Variants in PPM1H observed in about 807,000 individuals in gnomAD.
PPM1H encodes the protein protein phosphatase 1H.
Under a neutral mutation model 54.9 loss-of-function variants are expected in PPM1H, and 27 were observed. The observed-to-expected ratio is 0.49, with a 90% CI of 0.36 to 0.68. The LOEUF (loss-of-function observed/expected upper bound fraction) is 0.68, where lower values mean the gene tolerates loss of function less well. Ranked by LOEUF, PPM1H falls within the 30% of genes least tolerant of loss-of-function variation. PPM1H has a pLI of 0.00. For missense variants in PPM1H, 596 were observed against 667.8 expected, an observed-to-expected ratio of 0.89 and a Z score of 1.19; for synonymous variants, 305 against 270.8, an observed-to-expected ratio of 1.13 and a Z score of -1.24.
At chr12:62,682,785 T>C (rs2076026797) in intron 8 of PPM1H, among the ~76,000 whole-genome samples, 1 of 151,898 alleles carries the variant, frequency 6.6e-6, no homozygotes, top group South Asian at 2.1e-4. Flanking sequence ...ATGATAGGCG[T>C]GAGTCACTGT....
At chr12:62,706,848 A>G (rs1224983315) in intron 6 of PPM1H, among the ~76,000 whole-genome samples, 2 of 152,258 alleles carry the variant, frequency 1.3e-5, no homozygotes, top group African/African-American at 4.8e-5. Context: ...ATTTAAGCTC[A>G]TCTTCACATT....
intron 5 of PPM1H, among the ~76,000 whole-genome samples, chr12:62,727,637 A>ATATTATTATTATTAT (rs146320023): frequency 0.032 from 4,462 of 139,766 alleles, 90 homozygotes; most frequent in South Asian, 0.041. Flanking sequence ...TAAAATGCAA[A>ATATTATTATTATTAT]TATTATTATT....
At chr12:62,838,153 C>T (rs1051500761) in intron 1 of PPM1H, among the ~76,000 whole-genome samples, 2 of 152,134 alleles carry the variant, frequency 1.3e-5, no homozygotes, top group African/African-American at 4.8e-5. Context: ...TGTTGTCTTG[C>T]TTTGTTTTCA....
chr12:62,789,372 T>A (rs778544183), intron 3 of PPM1H, among the ~76,000 whole-genome samples: 101 of 152,320 alleles, frequency 6.6e-4, no homozygotes, highest in Non-Finnish European at 1.1e-3. Context: ...CAGAAAGATG[T>A]CTTCTATTCA....
intron 1 of PPM1H, among the ~76,000 whole-genome samples, chr12:62,833,797 C>T (rs1250848714): frequency 6.6e-6 from 1 of 152,106 alleles, no homozygotes; most frequent in Non-Finnish European, 1.5e-5. Flanking sequence ...TTTAAAAGTT[C>T]ATTCCCATCT....
At chr12:62,787,037 G>A (rs2076676056) in intron 4 of PPM1H, among the ~76,000 whole-genome samples, 1 of 152,170 alleles carries the variant, frequency 6.6e-6, no homozygotes. Flanking sequence ...AGGTCGGTTT[G>A]CTCCTTGTTC....
At chr12:62,836,193 T>A (rs1043792680) in intron 1 of PPM1H, among the ~76,000 whole-genome samples, 2 of 152,224 alleles carry the variant, frequency 1.3e-5, no homozygotes, top group East Asian at 1.9e-4. Flanking sequence ...TCATCATACC[T>A]TTGGTCACAT....
At chr12:62,814,676 C>T (rs189002636) in intron 2 of PPM1H, among the ~76,000 whole-genome samples, 9 of 152,240 alleles carry the variant, frequency 5.9e-5, no homozygotes, top group East Asian at 5.8e-4. Flanking sequence ...TTTATACAAC[C>T]GGTGGAGGGG....
intron 9 of PPM1H, among the ~76,000 whole-genome samples, chr12:62,657,199 G>T (rs1417179695): frequency 6.6e-6 from 1 of 152,192 alleles, no homozygotes; most frequent in Non-Finnish European, 1.5e-5. Flanking sequence ...GAGAGAGGGT[G>T]AGACGCCCTG....
intron 6 of PPM1H, among the ~76,000 whole-genome samples, chr12:62,698,154 A>G (rs2076124017): frequency 6.6e-6 from 1 of 152,026 alleles, no homozygotes; most frequent in Non-Finnish European, 1.5e-5. Flanking sequence ...GTTCAGCAAT[A>G]AGACTGAAAT....
Position 62,788,213 on chromosome 12 carries a change from C to G in PPM1H, c.869+13G>C, listed in dbSNP as rs371482776. On this transcript the variant is annotated intron_variant, in intron 4 of 9. Transcript: ENST00000228705. ...TTAGAAATTAGCAAGAATCAGACAGCTCATCTGCTTACCTGCTATCCCCAG... is the reference window on the plus strand; with the variant it reads ...TTAGAAATTAGCAAGAATCAGACAGGTCATCTGCTTACCTGCTATCCCCAG... The G allele has an allele frequency of 6.0e-6, 9 of 1,503,642 alleles. No homozygotes were observed. In the African/African-American group the frequency reaches 1.1e-4, roughly 18 times the overall value. The allele number at this position is 1,503,642 out of a possible 1,614,324, so 93.1% of individuals were successfully genotyped here. A position where few individuals can be genotyped will look rare whatever the true frequency, so the allele number is the denominator to read the frequency against.
intron 6 of PPM1H, among the ~76,000 whole-genome samples, chr12:62,700,626 A>C (rs1006318123): frequency 1.1e-4 from 17 of 152,144 alleles, no homozygotes; most frequent in Admixed American, 2.0e-4. Context: ...TTTCTTGCCT[A>C]CATTATTGGG....
At chr12:62,712,100 C>T (rs1193738252) in intron 6 of PPM1H, among the ~76,000 whole-genome samples, 5 of 152,206 alleles carry the variant, frequency 3.3e-5, no homozygotes, top group African/African-American at 9.7e-5. Flanking sequence ...CTGGAAGCCC[C>T]GGGAGAGGCC....
At chr12:62,810,724 G>A (rs867172696) in intron 2 of PPM1H, among the ~76,000 whole-genome samples, 5 of 152,176 alleles carry the variant, frequency 3.3e-5, no homozygotes, top group Admixed American at 6.5e-5. Context: ...TCTTAACATA[G>A]AAAGACCACA....
chr12:62,777,610 A>G (rs2076618809), intron 4 of PPM1H, among the ~76,000 whole-genome samples: 1 of 152,244 alleles, frequency 6.6e-6, no homozygotes, highest in South Asian at 2.1e-4. Flanking sequence ...CCTAACAGTT[A>G]TTTCAAATCT....
chr12:62,690,696 G>A (rs149832806), intron 7 of PPM1H, among the ~76,000 whole-genome samples: 2 of 152,224 alleles, frequency 1.3e-5, no homozygotes, highest in African/African-American at 2.4e-5. Flanking sequence ...TTGGGGCCAC[G>A]TGCGGTGGCT....
chr12:62,874,229 TAA>T (rs1870086079), intron 1 of PPM1H, among the ~76,000 whole-genome samples: 1 of 152,146 alleles, frequency 6.6e-6, no homozygotes, highest in African/African-American at 2.4e-5. Context: ...TGCAGGGAGA[TAA>T]GAGTGACAGG....
intron 4 of PPM1H, among the ~76,000 whole-genome samples, chr12:62,763,638 G>A (rs2076523979): frequency 6.6e-6 from 1 of 152,202 alleles, no homozygotes; most frequent in Admixed American, 6.5e-5. Context: ...TCACTAATGT[G>A]ACTCTAAAAC....
At chr12:62,692,021 G>A (rs1392608246) in intron 7 of PPM1H, among the ~76,000 whole-genome samples, 1 of 152,146 alleles carries the variant, frequency 6.6e-6, no homozygotes, top group Non-Finnish European at 1.5e-5. Context: ...GCTAGTGACT[G>A]ACCTTGTTTA....
Sources: allele counts gnomAD v4.1 joint callset (sites outside exome capture counted in the v4.1 genomes callset), GRCh38; gene constraint gnomAD v4.1.1; transcripts MANE v1.5; gene names NCBI Gene and HGNC (gene_info 2026-07-23, HGNC 2026-07-21).